The following UCHL5 variants were observed in gnomAD, a reference collection of about 807,000 sequenced individuals.
UCHL5 encodes ubiquitin carboxyl-terminal hydrolase isozyme L5.
UCHL5 carries 34 observed loss-of-function variants against 53.8 expected under a neutral mutation model. The ratio of observed to expected loss-of-function variants is 0.63; its 90% CI spans 0.48 to 0.84. The LOEUF is 0.84. UCHL5 is among the 40% of genes least tolerant of loss of function. UCHL5 has a pLI of 0.00. For synonymous variants in UCHL5, 111 were observed against 126.3 expected (o/e 0.88, Z 0.81); for missense variants, 290 against 385.6 (o/e 0.75, Z 2.08).
At chr1:193,031,227 G>A (rs1391219860) in intron 3 of UCHL5, among the ~76,000 whole-genome samples, 3 of 152,090 alleles carry the variant, frequency 2.0e-5, no homozygotes, top group Non-Finnish European at 2.9e-5. Flanking sequence ...AATTATCTGA[G>A]GATAGCACAG....
chr1:193,040,020 T>C (rs1325411527), intron 3 of UCHL5, among the ~76,000 whole-genome samples: 1 of 152,128 alleles, frequency 6.6e-6, no homozygotes, highest in African/African-American at 2.4e-5. Flanking sequence ...GACTTAAATA[T>C]AAGACTTGAA....
chr1:193,017,209 C>G (rs1008600322), intron 10 of UCHL5, among the ~76,000 whole-genome samples: 5 of 151,866 alleles, frequency 3.3e-5, no homozygotes, highest in African/African-American at 4.8e-5. Flanking sequence ...GAAGACATTT[C>G]TAAAAGCAAG....
chr1:193,040,056 T>C (rs1228407717), intron 3 of UCHL5, among the ~76,000 whole-genome samples: 2 of 152,086 alleles, frequency 1.3e-5, no homozygotes, highest in African/African-American at 2.4e-5. Context: ...TAAGAAAACA[T>C]TGGGGAAAAT....
intron 6 of UCHL5, 55 bp from the exon 7 acceptor site, chr1:193,028,203 T>C: frequency 6.9e-7 from 1 of 1,455,588 alleles, no homozygotes; most frequent in Non-Finnish European, 9.2e-7. Flanking sequence ...CAATCAACTT[T>C]AAAATGCAAA....
chr1:193,039,183 T>C (rs535764341), intron 3 of UCHL5, among the ~76,000 whole-genome samples: 2 of 152,246 alleles, frequency 1.3e-5, no homozygotes, highest in Admixed American at 6.5e-5. Flanking sequence ...GGCAGATCAC[T>C]TGAGGCCAAC....
chr1:193,017,819 A>C (rs1655381518), intron 10 of UCHL5, among the ~76,000 whole-genome samples: 1 of 151,470 alleles, frequency 6.6e-6, no homozygotes, highest in Admixed American at 6.6e-5. Flanking sequence ...ATCTCATTTA[A>C]TCATCAAGAA....
intron 3 of UCHL5, among the ~76,000 whole-genome samples, chr1:193,031,112 T>G (rs1661210645): frequency 6.6e-6 from 1 of 152,146 alleles, no homozygotes; most frequent in Non-Finnish European, 1.5e-5. Flanking sequence ...TTTAGTAAAT[T>G]TGGATGCAAA....
intron 3 of UCHL5, among the ~76,000 whole-genome samples, chr1:193,032,454 G>A (rs1661780012): frequency 6.6e-6 from 1 of 152,056 alleles, no homozygotes; most frequent in South Asian, 2.1e-4. Context: ...TACCATTCAG[G>A]ACATAGGTAT....
Position 193,014,093 on chromosome 1 carries a change from T to C in UCHL5, c.*2258A>G, listed in dbSNP as rs1272080578. The C allele has an allele frequency of 6.6e-6, 1 of 152,220 alleles. No homozygotes were observed. Among genetic ancestry groups the C allele is most frequent in the Non-Finnish European group, 1.5e-5 (1 of 68,032 alleles). The allele number at this position is 152,220 out of a possible 1,614,324, so 9.4% of individuals were successfully genotyped here. A position where few individuals can be genotyped will look rare whatever the true frequency, so the allele number is the denominator to read the frequency against. Reference sequence around the variant, plus strand: ...TAAATATGAAATGAGCAAGATTTTCTATAAAATATCATTTAAAAAAAACTT... The same window carrying C: ...TAAATATGAAATGAGCAAGATTTTCCATAAAATATCATTTAAAAAAAACTT... On this transcript the variant is annotated 3_prime_UTR_variant, in exon 11 of 11. Transcript: ENST00000367454.
At position 193,018,594 on chromosome 1, in the gene UCHL5, T is replaced by C. The variant is rs1571421677; in HGVS notation, c.943-2199A>G. The C allele has an allele frequency of 4.0e-6, 5 of 1,236,474 alleles. No individual in the cohort carries two copies. In the Admixed American group the frequency reaches 1.2e-4, roughly 30 times the overall value. 76.6% of individuals were successfully genotyped at this position (1,236,474 alleles called of 1,614,324 possible). ...ATTTATAGGTTCTAACCAAGTTCATTATAGCCATGCCGAGGGAGAATCACT... is the reference window on the plus strand; with the variant it reads ...ATTTATAGGTTCTAACCAAGTTCATCATAGCCATGCCGAGGGAGAATCACT... On this transcript the variant is annotated intron_variant, in intron 10 of 10. Coordinates refer to ENST00000367454, the MANE Select transcript of UCHL5 (RefSeq NM_001199261.3).
chr1:193,039,180 C>T (rs746738395), intron 3 of UCHL5, among the ~76,000 whole-genome samples: 41 of 152,076 alleles, frequency 2.7e-4, no homozygotes, highest in Non-Finnish European at 5.0e-4. Context: ...GCGGGCAGAT[C>T]ACTTGAGGCC....
At chr1:193,051,841 C>A in intron 1 of UCHL5, 24 bp from the exon 2 acceptor site, 1 of 1,535,882 alleles carries the variant, frequency 6.5e-7, no homozygotes. Flanking sequence ...TTATTTTCTT[C>A]AGTAAACAGG....
At chr1:193,047,257 A>T (rs985195150) in intron 3 of UCHL5, among the ~76,000 whole-genome samples, 5 of 152,250 alleles carry the variant, frequency 3.3e-5, no homozygotes, top group African/African-American at 1.2e-4. Flanking sequence ...GTGCTCAATG[A>T]TTACTTGTTG....
rs1056923252 is a variant in UCHL5 at position 193,016,379 on chromosome 1, TTC to T, written c.957_958del (p.Asn320ArgfsTer75). ...TTTGGTTTCCTGAGCTTTCTTTGCGTTCTGTTTTTCTTTTGCCTAAAAATTAA... is the reference window on the plus strand; with the variant it reads ...TTTGGTTTCCTGAGCTTTCTTTGCGTTGTTTTTCTTTTGCCTAAAAATTAA... On this transcript the variant is annotated frameshift_variant, in exon 11 of 11. Transcript: ENST00000367454. LOFTEE classifies it high-confidence loss of function. 1.9e-6 allele frequency: 3 copies of T among 1,606,682 alleles called. No individual in the cohort carries two copies. The highest frequency in any genetic ancestry group is 2.2e-5 in the East Asian group (1 of 44,700).
intron 1 of UCHL5, among the ~76,000 whole-genome samples, chr1:193,052,377 C>A (rs958991979): frequency 1.3e-5 from 2 of 151,936 alleles, no homozygotes; most frequent in Non-Finnish European, 2.9e-5. Context: ...CAATGATAGA[C>A]TTTTTTTTAT....
chr1:193,024,158 C>T (rs1177462385), intron 7 of UCHL5, among the ~76,000 whole-genome samples: 1 of 151,730 alleles, frequency 6.6e-6, no homozygotes, highest in Non-Finnish European at 1.5e-5. Flanking sequence ...GGAGAGGATC[C>T]TTTGAGTTTA....
intron 7 of UCHL5, among the ~76,000 whole-genome samples, chr1:193,026,935 T>C (rs1036428700): frequency 3.9e-5 from 6 of 152,188 alleles, no homozygotes; most frequent in African/African-American, 1.4e-4. Context: ...GAACTACTGA[T>C]ACACTTAAAA....
At chr1:193,021,724 G>A (rs189190207) in intron 9 of UCHL5, among the ~76,000 whole-genome samples, 3 of 152,160 alleles carry the variant, frequency 2.0e-5, no homozygotes, top group South Asian at 4.1e-4. Context: ...TATTCTGCCT[G>A]GTAGAAGTAT....
At chr1:193,019,714 T>C (rs1656202231) in intron 10 of UCHL5, among the ~76,000 whole-genome samples, 1 of 151,726 alleles carries the variant, frequency 6.6e-6, no homozygotes, top group South Asian at 2.1e-4. Context: ...TCTCTAACTA[T>C]GCTCTCAAAA....
Sources: gnomAD v4.1 joint callset for allele counts (sites outside exome capture counted in the v4.1 genomes callset) on GRCh38, gnomAD v4.1.1 for gene constraint, MANE v1.5 for transcripts, NCBI Gene and HGNC (gene_info 2026-07-23, HGNC 2026-07-21) for gene names.